Variants in TSKS observed in about 807,000 individuals in gnomAD.
TSKS encodes testis specific serine kinase substrate.
In TSKS, 27 loss-of-function variants were observed where a neutral mutation model predicts 68.0. The observed-to-expected ratio is 0.40, with a 90% confidence interval of 0.29 to 0.55. The LOEUF (loss-of-function observed/expected upper bound fraction) is 0.55. TSKS is among the 20% of genes least tolerant of loss of function. The pLI is 0.53. For missense variants in TSKS, 806 were observed against 776.0 expected, an observed-to-expected ratio of 1.04 and a Z score of -0.46; for synonymous variants, 331 against 340.4, an observed-to-expected ratio of 0.97 and a Z score of 0.30.
At position 49,742,024 on chromosome 19, in the gene TSKS, G is replaced by A. The variant is rs376944673; in HGVS notation, c.1362-4C>T. The stretch of plus-strand genomic sequence containing the variant: ...CGTAGACAACTGCGACCCCTGGCTG[G>A]GGGAGGGGCGGTCACCAGATAAAGA... On this transcript the variant is annotated splice_polypyrimidine_tract_variant and splice_region_variant and intron_variant, in intron 8 of 10. Coordinates refer to ENST00000246801, the MANE Select transcript of TSKS (RefSeq NM_021733.2). 7 of 1,613,352 alleles carry A rather than the reference G, an allele frequency of 4.3e-6. No homozygotes were observed. The highest frequency in any genetic ancestry group is 5.9e-6 in the Non-Finnish European group (7 of 1,179,964).
chr19:49,745,606 C>T (rs922908814), intron 6 of TSKS, among the ~76,000 whole-genome samples: 1 of 152,094 alleles, frequency 6.6e-6, no homozygotes, highest in Admixed American at 6.6e-5. Flanking sequence ...TATCCCCTTC[C>T]TTTATTGGCT....
At chr19:49,741,425 C>A (rs1267340039) in intron 9 of TSKS, among the ~76,000 whole-genome samples, 2 of 152,260 alleles carry the variant, frequency 1.3e-5, no homozygotes, top group African/African-American at 4.8e-5. Context: ...TTGTGCAATG[C>A]CCCAGGAAGA....
chr19:49,740,108 C>T lies in TSKS; in HGVS notation c.1573G>A (p.Glu525Lys), dbSNP rs769280647. 6.8e-6 allele frequency: 11 copies of T among 1,614,052 alleles called. No homozygotes were observed. The highest frequency in any genetic ancestry group is 1.6e-4 in the Middle Eastern group (1 of 6,084). Reference sequence around the variant, plus strand: ...AGTAGGTTCTTGGCCCGCAGGGCCTCGTCTTGGGCCAGCCGAAGGGTGGAG... The same window carrying T: ...AGTAGGTTCTTGGCCCGCAGGGCCTTGTCTTGGGCCAGCCGAAGGGTGGAG... ...LSSTLRLAQD[E>K]ALRAKNLLLT... The change falls in exon 10 of 11, where the codon GAG becomes AAG. Residue 525 changes from glutamate to lysine, a missense_variant. Glu to Lys is a moderately conservative substitution (Grantham distance 56). Transcript: ENST00000246801.
chr19:49,746,886 C>G, intron 5 of TSKS, 88 bp from the exon 6 acceptor site: 2 of 1,535,020 alleles, frequency 1.3e-6, no homozygotes, highest in Non-Finnish European at 1.7e-6. Flanking sequence ...CAGTACTCCC[C>G]GAGATTGGAA....
intron 5 of TSKS, chr19:49,747,158 C>T: frequency 6.5e-7 from 1 of 1,536,204 alleles, no homozygotes; most frequent in Non-Finnish European, 8.7e-7. Flanking sequence ...TGAAGTCCAG[C>T]TCGATTCTCT....
chr19:49,751,429 A>G (rs1396161273), intron 2 of TSKS, among the ~76,000 whole-genome samples: 1 of 152,074 alleles, frequency 6.6e-6, no homozygotes, highest in Non-Finnish European at 1.5e-5. Context: ...GGCTTGCAGC[A>G]ACTCAAAGAG....
chr19:49,746,284 G>T (rs1476841037), intron 6 of TSKS, among the ~76,000 whole-genome samples, 186 bp downstream of exon 6: 1 of 148,464 alleles, frequency 6.7e-6, no homozygotes, highest in Non-Finnish European at 1.5e-5. Flanking sequence ...ACCCACCTTC[G>T]TTCCTCGAGG....
At chr19:49,742,566 T>A (rs958290971) in intron 8 of TSKS, among the ~76,000 whole-genome samples, 3 of 149,478 alleles carry the variant, frequency 2.0e-5, no homozygotes, top group African/African-American at 7.4e-5. Context: ...TGGCACCATC[T>A]TGGCTCACTG....
Position 49,740,183 on chromosome 19 carries a change from C to T in TSKS, c.1498G>A (p.Glu500Lys). ...SCQRLHKKIL[E>K]LERQALAKHV... Reference sequence around the variant, plus strand: ...TTGGCTAAGGCCTGGCGCTCCAGCTCCTGGGGAGAGGAGCGTAGGCGTAGC... The same window carrying T: ...TTGGCTAAGGCCTGGCGCTCCAGCTTCTGGGGAGAGGAGCGTAGGCGTAGC... Residue 500 changes from glutamate to lysine, a missense_variant and splice_region_variant, in exon 10 of 11, where the codon GAG (glutamate) becomes AAG (lysine). Transcript: ENST00000246801. The T allele has an allele frequency of 1.9e-6, 3 of 1,611,466 alleles. No homozygotes were observed. The highest frequency in any genetic ancestry group is 2.5e-6 in the Non-Finnish European group (3 of 1,179,442).
chr19:49,740,075 C>G lies in TSKS; in HGVS notation c.1606G>C (p.Asp536His). ...CTTCCTCACTCTGGCTTCATCTTGTCTGTCAGCAGTAGGTTCTTGGCCCGC... is the reference window on the plus strand; with the variant it reads ...CTTCCTCACTCTGGCTTCATCTTGTGTGTCAGCAGTAGGTTCTTGGCCCGC... ...ALRAKNLLLT[D>H]KMKPEEKMAT... Residue 536 changes from aspartate to histidine, a missense_variant, in exon 10 of 11, where the codon GAC becomes CAC. Physicochemically the swap from Asp to His is moderately conservative, Grantham distance 81. Coordinates refer to ENST00000246801, the MANE Select transcript of TSKS (RefSeq NM_021733.2). 1.2e-6 allele frequency: 2 copies of G among 1,614,188 alleles called. No individual in the cohort carries two copies. The highest frequency in any genetic ancestry group is 8.5e-7 in the Non-Finnish European group (1 of 1,180,042).
At chr19:49,760,513 T>G (rs565137887) in intron 2 of TSKS, among the ~76,000 whole-genome samples, 2 of 152,064 alleles carry the variant, frequency 1.3e-5, no homozygotes, top group Admixed American at 1.3e-4. Flanking sequence ...ATTTTTGTAT[T>G]TTTAGTAGAG....
At chr19:49,754,840 C>CT (rs1235479843) in intron 2 of TSKS, among the ~76,000 whole-genome samples, 2 of 152,202 alleles carry the variant, frequency 1.3e-5, no homozygotes, top group Admixed American at 6.5e-5. Flanking sequence ...TGGCTCACAC[C>CT]TGTAATCCCA....
chr19:49,751,934 TGTG>T (rs2084354436), intron 2 of TSKS, among the ~76,000 whole-genome samples: 1 of 131,586 alleles, frequency 7.6e-6, no homozygotes, highest in Non-Finnish European at 1.6e-5. Context: ...AGTAGCCAGG[TGTG>T]GTGGTGTGCA....
At chr19:49,760,465 C>T (rs1421360080) in intron 2 of TSKS, among the ~76,000 whole-genome samples, 5 of 151,912 alleles carry the variant, frequency 3.3e-5, no homozygotes, top group East Asian at 1.9e-4. Flanking sequence ...GGACTACAGG[C>T]GCCCACCACC....
chr19:49,744,698 C>G (rs149563803), intron 7 of TSKS, among the ~76,000 whole-genome samples: 129 of 152,224 alleles, frequency 8.5e-4, no homozygotes, highest in African/African-American at 3.0e-3. Context: ...TCACTCCTGC[C>G]TCAGCCTCCC....
intron 1 of TSKS, among the ~76,000 whole-genome samples, chr19:49,762,577 T>A (rs2084452594): frequency 6.6e-6 from 1 of 152,042 alleles, no homozygotes; most frequent in African/African-American, 2.4e-5. Flanking sequence ...TATAGGCATG[T>A]GCCATCACGC....
At position 49,741,459 on chromosome 19, in the gene TSKS, G is replaced by A. The variant is rs74970937; in HGVS notation, c.1497+426C>T. ...GAGCTGTGGTTCCATTTCCCATAAC[G>A]CATCAGCTAACTGGGGCCTACAGTC... On this transcript the variant is annotated intron_variant, in intron 9 of 10. Coordinates refer to ENST00000246801, the MANE Select transcript of TSKS (RefSeq NM_021733.2). Among the ~76,000 whole-genome samples, 742 of 152,212 alleles carry A rather than the reference G, an allele frequency of 4.9e-3. 7 individuals are homozygous for A. The highest frequency in any genetic ancestry group is 0.017 in the African/African-American group (709 of 41,514).
At chr19:49,759,720 A>T (rs1024559291) in intron 2 of TSKS, among the ~76,000 whole-genome samples, 1 of 151,880 alleles carries the variant, frequency 6.6e-6, no homozygotes, top group Non-Finnish European at 1.5e-5. Context: ...CTGCAGTCCC[A>T]GCTACTTGGG....
chr19:49,745,143 C>T (rs1017725376), intron 7 of TSKS, 59 bp downstream of exon 7: 2 of 1,473,688 alleles, frequency 1.4e-6, no homozygotes, highest in Admixed American at 2.1e-5. Context: ...AGACCCCGCC[C>T]TCAGGTTGGG....
Sources: gnomAD v4.1 joint callset for allele counts (sites outside exome capture counted in the v4.1 genomes callset) on GRCh38, gnomAD v4.1.1 for gene constraint, MANE v1.5 for transcripts, NCBI Gene and HGNC (gene_info 2026-07-23, HGNC 2026-07-21) for gene names.